CUX2: variants seen among roughly 807,000 people sequenced by gnomAD.
The protein encoded by CUX2 is homeobox protein cut-like 2.
In CUX2, 40 loss-of-function variants were observed where a neutral mutation model predicts 144.8. The observed-to-expected ratio is 0.28, with a 90% CI of 0.21 to 0.36. The LOEUF is 0.36. Ranked by LOEUF, CUX2 falls within the 10% of genes least tolerant of loss-of-function variation. The probability of loss-of-function intolerance (pLI) is 1.00; values close to 1 mark genes in which losing one functional copy is unlikely to be tolerated. For synonymous variants in CUX2, 827 were observed against 875.6 expected (o/e 0.94, Z 0.98); for missense variants, 1,615 against 1,994.0 (o/e 0.81, Z 3.62).
At chr12:111,290,867 CTT>C (rs35377571) in intron 4 of CUX2, among the ~76,000 whole-genome samples, 7,569 of 141,530 alleles carry the variant, frequency 0.053, 199 homozygotes, top group South Asian at 0.088. Context: ...CTCAGCCAAC[CTT>C]TTTTTTTTTT....
At position 111,057,306 on chromosome 12, in the gene CUX2, G is replaced by A. The variant is rs1343122940; in HGVS notation, c.63+23066G>A. On this transcript the variant is annotated intron_variant, in intron 1 of 21. Coordinates refer to ENST00000261726, the MANE Select transcript of CUX2 (RefSeq NM_015267.4). This position sits in a 1 kb window ranked among gnomAD's most constrained non-coding sequence, Gnocchi z 5.1. ...TGGATGTTACAGGAAGCTGTGTGAG[G>A]GCAATGGGTGTGGCAGGAGATTATG... Among the ~76,000 whole-genome samples, 2 of 152,006 alleles carry A rather than the reference G, an allele frequency of 1.3e-5. No individual in the cohort carries two copies. Among genetic ancestry groups the A allele is most frequent in the East Asian group, 3.9e-4 (2 of 5,168 alleles).
At chr12:111,154,261 T>G (rs2136141091) in intron 1 of CUX2, among the ~76,000 whole-genome samples, 1 of 152,182 alleles carries the variant, frequency 6.6e-6, no homozygotes, top group Non-Finnish European at 1.5e-5. Flanking sequence ...GAATGTTCTT[T>G]CTGTTAAGTC....
intron 1 of CUX2, among the ~76,000 whole-genome samples, chr12:111,194,544 A>G (rs1880116144): frequency 6.6e-6 from 1 of 152,210 alleles, no homozygotes; most frequent in Non-Finnish European, 1.5e-5. Flanking sequence ...CTGGGCCCAC[A>G]GTTCCATGCA....
Position 111,190,016 on chromosome 12 carries a change from T to C in CUX2, c.64-24184T>C, listed in dbSNP as rs1879783513. On this transcript the variant is annotated intron_variant, in intron 1 of 21. Transcript: ENST00000261726. This position sits in a 1 kb window ranked among gnomAD's most constrained non-coding sequence, Gnocchi z 4.0. ...TATTATCTGTCTTCCCTTGTAGCCA[T>C]TCTGGTGGGTATGTAGCACTATCTC... Among the ~76,000 whole-genome samples, 1 of 152,326 alleles carries C rather than the reference T, an allele frequency of 6.6e-6. No individual in the cohort carries two copies. The highest frequency in any genetic ancestry group is 2.4e-5 in the African/African-American group (1 of 41,572).
chr12:111,320,795 C>A lies in CUX2; in HGVS notation c.2766+20C>A. 6.7e-7 allele frequency: 1 copy of A among 1,486,114 alleles called. No homozygotes were observed. The highest frequency in any genetic ancestry group is 8.9e-7 in the Non-Finnish European group (1 of 1,121,184). The allele number at this position is 1,486,114 out of a possible 1,614,324, so 92.1% of individuals were successfully genotyped here. On this transcript the variant is annotated intron_variant, in intron 17 of 21. Coordinates refer to ENST00000261726, the MANE Select transcript of CUX2 (RefSeq NM_015267.4). This position sits in a 1 kb window ranked among gnomAD's most constrained non-coding sequence, Gnocchi z 8.1. Reference sequence around the variant, plus strand: ...GAGAAGGTGAGTGCAGGGCGGGCCCCCGGTGTCTGGGCTCTGGGAGAAGAT... The same window carrying A: ...GAGAAGGTGAGTGCAGGGCGGGCCCACGGTGTCTGGGCTCTGGGAGAAGAT...
rs916674768 is a variant in CUX2 at position 111,337,932 on chromosome 12, G to A, written c.3197-354G>A. ...TGCCTGTAATCCCAGCTACTCGGGA[G>A]GCTGAGGCAGGAGAATTGCTTGAAC... is the stretch of plus-strand genomic sequence containing the variant. On this transcript the variant is annotated intron_variant, in intron 19 of 21. Coordinates refer to ENST00000261726, the MANE Select transcript of CUX2 (RefSeq NM_015267.4). Among the ~76,000 whole-genome samples the A allele has an allele frequency of 3.3e-5, 5 of 152,208 alleles. No individual in the cohort carries two copies. In the South Asian group the frequency reaches 1.0e-3, roughly 32 times the overall value.
chr12:111,107,453 A>G (rs76858269), intron 1 of CUX2, among the ~76,000 whole-genome samples: 2,402 of 152,372 alleles, frequency 0.016, 78 homozygotes, highest in African/African-American at 0.055. Flanking sequence ...TCTTTTCTCC[A>G]TGTTCCCAGC....
At chr12:111,314,661 AAAAAAAACC>A (rs1303215760) in intron 16 of CUX2, among the ~76,000 whole-genome samples, 1 of 74,552 alleles carries the variant, frequency 1.3e-5, no homozygotes, top group African/African-American at 1.3e-4. Context: ...AAAAAAAAAA[AAAAAAAACC>A]CCATCTCCTC....
intron 3 of CUX2, among the ~76,000 whole-genome samples, chr12:111,248,332 C>G (rs1358042043): frequency 6.6e-6 from 1 of 152,200 alleles, no homozygotes; most frequent in Non-Finnish European, 1.5e-5. Flanking sequence ...CTAGGCATGC[C>G]TCACCACCCA....
intron 1 of CUX2, among the ~76,000 whole-genome samples, chr12:111,084,680 C>T (rs937547364): frequency 2.0e-5 from 3 of 152,134 alleles, no homozygotes; most frequent in African/African-American, 4.8e-5. Context: ...GGACTCACAG[C>T]GATGAATTAT....
At chr12:111,288,721 C>T (rs1422560652) in intron 4 of CUX2, among the ~76,000 whole-genome samples, 3 of 151,802 alleles carry the variant, frequency 2.0e-5, no homozygotes, top group South Asian at 2.1e-4. Flanking sequence ...CCAGCACTTT[C>T]GGAGGCCAAG....
chr12:111,206,249 T>C (rs1348643608), intron 1 of CUX2, among the ~76,000 whole-genome samples: 1 of 152,186 alleles, frequency 6.6e-6, no homozygotes, highest in Non-Finnish European at 1.5e-5. Flanking sequence ...GGAGCATTGC[T>C]TGGGCATGGG....
At chr12:111,133,568 G>C (rs942328801) in intron 1 of CUX2, among the ~76,000 whole-genome samples, 1 of 152,086 alleles carries the variant, frequency 6.6e-6, no homozygotes, top group Non-Finnish European at 1.5e-5. Context: ...CCTCCCTTTG[G>C]GTCCCTCCCA....
At chr12:111,145,445 T>C (rs1876606237) in intron 1 of CUX2, among the ~76,000 whole-genome samples, 1 of 152,240 alleles carries the variant, frequency 6.6e-6, no homozygotes, top group African/African-American at 2.4e-5. Flanking sequence ...CATAGCTCAC[T>C]GTAGCCTCAA....
intron 1 of CUX2, among the ~76,000 whole-genome samples, chr12:111,120,713 A>T (rs1470680022): frequency 6.6e-6 from 1 of 151,734 alleles, no homozygotes; most frequent in Non-Finnish European, 1.5e-5. Flanking sequence ...GGTGTAATTT[A>T]AACCCCTTCA....
rs573444283 is a variant in CUX2, at chr12:111,160,716, G to A, written c.64-53484G>A. Among the ~76,000 whole-genome samples the A allele has an allele frequency of 6.6e-6, 1 of 152,264 alleles. No individual in the cohort carries two copies. The highest frequency in any genetic ancestry group is 1.5e-5 in the Non-Finnish European group (1 of 68,016). ...GGGATTCCTCTGGAACAGCACCGTG[G>A]GGGGCAGGCGGTGGCCTGGAGGAGG... On this transcript the variant is annotated intron_variant, in intron 1 of 21. Transcript: ENST00000261726. This position sits in a 1 kb window ranked among gnomAD's most constrained non-coding sequence, Gnocchi z 4.1.
intron 7 of CUX2, 131 bp from the exon 8 acceptor site, chr12:111,296,342 G>A (rs2073570871): frequency 1.4e-6 from 1 of 704,600 alleles, no homozygotes; most frequent in South Asian, 1.8e-5. Context: ...CTGAGAGAAA[G>A]ATCTCCCTCA....
intron 18 of CUX2, among the ~76,000 whole-genome samples, chr12:111,332,509 C>G (rs1335816731): frequency 6.6e-6 from 1 of 151,988 alleles, no homozygotes; most frequent in African/African-American, 2.4e-5. Context: ...TCGGAAGAGC[C>G]CACTGCAGGG....
At position 111,348,180 on chromosome 12, in the gene CUX2, C is replaced by T. The variant is rs1372028394; in HGVS notation, c.4316C>T (p.Ala1439Val). The change falls in exon 22 of 22, where the codon GCT becomes GTT. Residue 1439 changes from alanine to valine, a missense_variant. Transcript: ENST00000261726. ...PAKVPSASPT[A>V]DMAGALHPSA... ...AAAGTGCCGAGTGCCAGCCCCACTG[C>T]TGACATGGCTGGAGCCTTGCACCCC... is the stretch of plus-strand genomic sequence containing the variant. 6.2e-7 allele frequency: 1 copy of T among 1,614,120 alleles called. No homozygotes were observed. The highest frequency in any genetic ancestry group is 1.3e-5 in the African/African-American group (1 of 75,030).
Sources: allele counts gnomAD v4.1 joint callset (sites outside exome capture counted in the v4.1 genomes callset), GRCh38; gene constraint gnomAD v4.1.1; non-coding constraint Gnocchi (gnomAD v3.1); transcripts MANE v1.5; gene names NCBI Gene and HGNC (gene_info 2026-07-23, HGNC 2026-07-21).